Variants in EIF4G3 observed in about 807,000 individuals in gnomAD.
The protein encoded by EIF4G3 is eIF-4-gamma 3.
EIF4G3 carries 34 observed loss-of-function variants against 186.4 expected under a neutral mutation model. The observed-to-expected ratio is 0.18, with a 90% CI of 0.14 to 0.24. The LOEUF is 0.24. Ranked by LOEUF, EIF4G3 falls within the 10% of genes least tolerant of loss-of-function variation. EIF4G3 has a pLI of 1.00. For missense variants in EIF4G3, 1,536 were observed against 1,948.5 expected, an observed-to-expected ratio of 0.79 and a Z score of 3.99; for synonymous variants, 673 against 679.5, an observed-to-expected ratio of 0.99 and a Z score of 0.15.
In EIF4G3 at chr1:20,807,350, C is replaced by T. The variant is rs2058247236; in HGVS notation, c.4895G>A (p.Arg1632Gln). The change falls in exon 37 of 37, where the codon CGG becomes CAG. Residue 1632 changes from arginine (R) to glutamine (Q), a missense_variant. By Grantham distance (43) the Arg-to-Gln change is conservative. This residue lies in a region of EIF4G3 where 45 missense variants were observed against 99.1 expected (regional missense o/e 0.45). Coordinates refer to ENST00000602326, the MANE Select transcript of EIF4G3 (RefSeq NM_001391906.1). ...KSVTAFFTWL[R>Q]EAEEESEDN ...ATCCTCAGACTCCTCTTCTGCTTCC[C>T]GCAGCCACGTGAAGAATGCCGTGAC... is the stretch of plus-strand genomic sequence containing the variant. The T allele has an allele frequency of 1.9e-6, 3 of 1,605,676 alleles. No individual in the cohort carries two copies. Among genetic ancestry groups the T allele is most frequent in the Non-Finnish European group, 2.6e-6 (3 of 1,173,992 alleles).
chr1:20,967,779 T>C (rs2075017268), intron 12 of EIF4G3, among the ~76,000 whole-genome samples: 1 of 152,266 alleles, frequency 6.6e-6, no homozygotes, highest in African/African-American at 2.4e-5. Flanking sequence ...TCTGTACTAC[T>C]AAAATGAAGT....
intron 14 of EIF4G3, among the ~76,000 whole-genome samples, chr1:20,930,756 T>C (rs1488403128): frequency 6.6e-6 from 1 of 152,208 alleles, no homozygotes; most frequent in African/African-American, 2.4e-5. Context: ...CACTTACTTC[T>C]TCTACTGAAG....
At chr1:21,018,582 GT>G (rs1351885903) in intron 4 of EIF4G3, among the ~76,000 whole-genome samples, 1 of 151,922 alleles carries the variant, frequency 6.6e-6, no homozygotes, top group Non-Finnish European at 1.5e-5. Context: ...AAAAATTAAG[GT>G]GGTACTATGG....
chr1:20,844,861 A>C (rs1160942860), intron 29 of EIF4G3, among the ~76,000 whole-genome samples: 1 of 151,952 alleles, frequency 6.6e-6, no homozygotes, highest in East Asian at 1.9e-4. Flanking sequence ...AGACAACAAC[A>C]AAAAAAACCT....
intron 29 of EIF4G3, chr1:20,847,670 C>A (rs998580997): frequency 1.5e-5 from 6 of 388,072 alleles, no homozygotes; most frequent in African/African-American, 1.1e-4. Context: ...GGCTATGCTG[C>A]CAATTTATAA....
At chr1:20,814,009 C>T (rs1180843344) in intron 34 of EIF4G3, among the ~76,000 whole-genome samples, 4 of 122,348 alleles carry the variant, frequency 3.3e-5, no homozygotes, top group Non-Finnish European at 4.8e-5. Context: ...TGCAGTGGTG[C>T]GATCTCAGCT....
chr1:21,049,019 C>T (rs973879681), intron 4 of EIF4G3, among the ~76,000 whole-genome samples: 1 of 152,168 alleles, frequency 6.6e-6, no homozygotes. Context: ...TTGGGATGGG[C>T]AGTGCAAGCT....
At chr1:21,091,498 G>C (rs527580917) in intron 2 of EIF4G3, among the ~76,000 whole-genome samples, 1 of 151,822 alleles carries the variant, frequency 6.6e-6, no homozygotes, top group Non-Finnish European at 1.5e-5. Flanking sequence ...TGAACCACAC[G>C]AATATGTTTT....
intron 12 of EIF4G3, among the ~76,000 whole-genome samples, chr1:20,956,863 C>A (rs1362761549): frequency 6.6e-6 from 1 of 152,008 alleles, no homozygotes; most frequent in African/African-American, 2.4e-5. Context: ...CTTGGCCTCC[C>A]AAAGTACTGG....
At position 20,972,990 on chromosome 1, in the gene EIF4G3, A is replaced by C; in HGVS notation, c.591+12T>G. 6 of 1,580,116 alleles carry C rather than the reference A, an allele frequency of 3.8e-6. No individual in the cohort carries two copies. Among genetic ancestry groups the C allele is most frequent in the Non-Finnish European group, 5.1e-6 (6 of 1,167,544 alleles). The stretch of plus-strand genomic sequence containing the variant: ...AGATTTAAAATAAGAAAAAGTAATA[A>C]AAATCTCTTACAGTTTTTTTCTCTC... On this transcript the variant is annotated intron_variant, in intron 11 of 36. Transcript: ENST00000602326.
chr1:20,969,371 C>T (rs2271115), intron 12 of EIF4G3, 103 bp downstream of exon 12: 547,526 of 1,361,488 alleles, frequency 0.4, 112,733 homozygotes, highest in Non-Finnish European at 0.42. Flanking sequence ...TGCGAGACAA[C>T]TGATGGAAAT....
At chr1:20,881,787 CA>C (rs2082395733) in intron 19 of EIF4G3, among the ~76,000 whole-genome samples, 1 of 148,994 alleles carries the variant, frequency 6.7e-6, no homozygotes, top group African/African-American at 2.5e-5. Context: ...GACCCTGTCT[CA>C]AAAAATAATA....
chr1:21,079,945 A>G (rs1392855244), intron 3 of EIF4G3, among the ~76,000 whole-genome samples: 1 of 151,798 alleles, frequency 6.6e-6, no homozygotes, highest in Non-Finnish European at 1.5e-5. Flanking sequence ...TGAGGTCAGG[A>G]GTTCGAGACC....
chr1:20,999,680 T>C (rs1190100159), intron 6 of EIF4G3: 3 of 428,788 alleles, frequency 7.0e-6, no homozygotes, highest in Non-Finnish European at 1.4e-5. Flanking sequence ...AGTAGGAAAG[T>C]GCCCTAGGAA....
At chr1:21,002,057 T>C (rs2083654682) in intron 5 of EIF4G3, among the ~76,000 whole-genome samples, 1 of 152,228 alleles carries the variant, frequency 6.6e-6, no homozygotes, top group African/African-American at 2.4e-5. Flanking sequence ...TTCTAAGGAA[T>C]GGAGAGCTGA....
At chr1:20,933,470 C>G (rs2095408391) in intron 14 of EIF4G3, among the ~76,000 whole-genome samples, 1 of 152,122 alleles carries the variant, frequency 6.6e-6, no homozygotes, top group African/African-American at 2.4e-5. Flanking sequence ...GCCTGACAAA[C>G]ATGGTGAAAT....
chr1:21,165,515 G>C (rs901447309), intron 2 of EIF4G3, among the ~76,000 whole-genome samples: 2 of 152,172 alleles, frequency 1.3e-5, no homozygotes, highest in Admixed American at 6.5e-5. Context: ...TTTTAAAAAT[G>C]AAGTGCTAAT....
chr1:21,136,140 G>A (rs1309869603), intron 2 of EIF4G3, among the ~76,000 whole-genome samples: 1 of 151,220 alleles, frequency 6.6e-6, no homozygotes, highest in Non-Finnish European at 1.5e-5. Flanking sequence ...CCGAGATTGC[G>A]CTACTGCAGT....
intron 3 of EIF4G3, among the ~76,000 whole-genome samples, chr1:21,061,781 T>TC (rs1159516820): frequency 6.8e-6 from 1 of 147,630 alleles, no homozygotes; most frequent in East Asian, 2.1e-4. Context: ...AGAGTCTCAC[T>TC]CTGTCACCCA....
Sources: gnomAD v4.1 joint callset for allele counts (sites outside exome capture counted in the v4.1 genomes callset) on GRCh38, gnomAD v4.1.1 for gene constraint, gnomAD v4.1.1 regional missense constraint, MANE v1.5 for transcripts, NCBI Gene and HGNC (gene_info 2026-07-23, HGNC 2026-07-21) for gene names.